Variants in SSBP2 observed in about 807,000 individuals in gnomAD.
The protein encoded by SSBP2 is single-stranded DNA-binding protein 2.
A neutral mutation model predicts 61.8 loss-of-function variants in SSBP2; 17 were observed. That is an observed-to-expected ratio of 0.28 (90% CI 0.19 to 0.41). The LOEUF (loss-of-function observed/expected upper bound fraction) is 0.41. Ranked by LOEUF, SSBP2 falls within the 10% of genes least tolerant of loss-of-function variation. SSBP2 has a pLI of 1.00. For missense variants in SSBP2, 310 were observed against 458.7 expected (o/e 0.68, Z 2.96); for synonymous variants, 139 against 141.3 (o/e 0.98, Z 0.12).
intron 8 of SSBP2, among the ~76,000 whole-genome samples, chr5:81,471,600 A>C: frequency 6.6e-6 from 1 of 152,028 alleles, no homozygotes; most frequent in East Asian, 1.9e-4. Flanking sequence ...TCTTATTATT[A>C]ATAGCTTAAT....
intron 3 of SSBP2, among the ~76,000 whole-genome samples, chr5:81,630,949 C>CA (rs1747646611): frequency 6.6e-6 from 1 of 152,146 alleles, no homozygotes; most frequent in Non-Finnish European, 1.5e-5. Context: ...TGATCCAAGT[C>CA]AGACTCCTAA....
intron 6 of SSBP2, among the ~76,000 whole-genome samples, chr5:81,477,641 GGCAATGCAGAGAAGGTAAGGGCTTTTCAT>G (rs1411878049): frequency 3.6e-5 from 5 of 137,738 alleles, no homozygotes; most frequent in Non-Finnish European, 7.6e-5. Flanking sequence ...GCCATGTCCT[GGCAATGCAGAGAAGGTAAGGGCTTTTCAT>G]GTGTTTTTAT....
intron 1 of SSBP2, among the ~76,000 whole-genome samples, chr5:81,747,699 C>T (rs1490290289): frequency 6.6e-6 from 1 of 152,064 alleles, no homozygotes; most frequent in Non-Finnish European, 1.5e-5. Flanking sequence ...TATTAGAAGG[C>T]ACCTTAATGT....
chr5:81,671,352 G>A (rs1291701266), intron 1 of SSBP2, among the ~76,000 whole-genome samples: 2 of 151,956 alleles, frequency 1.3e-5, no homozygotes, highest in Non-Finnish European at 2.9e-5. Context: ...AACAACATTT[G>A]CTCTTTGAGG....
chr5:81,434,272 T>A (rs1447541460), intron 15 of SSBP2, among the ~76,000 whole-genome samples: 1 of 152,154 alleles, frequency 6.6e-6, no homozygotes, highest in Non-Finnish European at 1.5e-5. Flanking sequence ...AATTTTTTTT[T>A]TAAAAATATG....
At chr5:81,496,036 C>T (rs1767251146) in intron 5 of SSBP2, among the ~76,000 whole-genome samples, 1 of 152,088 alleles carries the variant, frequency 6.6e-6, no homozygotes, top group Non-Finnish European at 1.5e-5. Flanking sequence ...GGACAGTTTA[C>T]ATGTCAGAAA....
At chr5:81,519,960 TAATTA>T (rs1323163657) in intron 4 of SSBP2, among the ~76,000 whole-genome samples, 2 of 152,068 alleles carry the variant, frequency 1.3e-5, no homozygotes, top group Non-Finnish European at 2.9e-5. Context: ...TCAAACATCT[TAATTA>T]AATTAGTAGC....
intron 1 of SSBP2, among the ~76,000 whole-genome samples, chr5:81,706,297 T>C (rs1754389767): frequency 6.6e-6 from 1 of 151,970 alleles, no homozygotes; most frequent in Non-Finnish European, 1.5e-5. Flanking sequence ...CTCACAGTCA[T>C]AAAGATAGCA....
Position 81,415,550 on chromosome 5 carries a change from G to A in SSBP2, c.*4954C>T, listed in dbSNP as rs1396318615. On this transcript the variant is annotated 3_prime_UTR_variant, in exon 17 of 17. Transcript: ENST00000320672. ...TTTCCAATATTTTTTATCAGGAGTT[G>A]ATTGAATCAGGGATGTGGAACCTGT... The A allele has an allele frequency of 6.6e-6, 1 of 151,848 alleles. No homozygotes were observed. The allele number at this position is 151,848 out of a possible 1,614,324, so 9.4% of individuals were successfully genotyped here. A position where few individuals can be genotyped will look rare whatever the true frequency, so the allele number is the denominator to read the frequency against.
chr5:81,644,955 A>G (rs1423227351), intron 2 of SSBP2, among the ~76,000 whole-genome samples: 1 of 152,208 alleles, frequency 6.6e-6, no homozygotes, highest in East Asian at 1.9e-4. Context: ...CATCAGGCAC[A>G]TATTTATGCC....
At chr5:81,429,890 A>G (rs1762181613) in intron 15 of SSBP2, among the ~76,000 whole-genome samples, 1 of 152,180 alleles carries the variant, frequency 6.6e-6, no homozygotes, top group Non-Finnish European at 1.5e-5. Flanking sequence ...GGATCTGAGA[A>G]CAAGGATCCT....
At chr5:81,696,192 A>AC (rs991034475) in intron 1 of SSBP2, among the ~76,000 whole-genome samples, 1 of 151,798 alleles carries the variant, frequency 6.6e-6, no homozygotes, top group African/African-American at 2.4e-5. Context: ...TCCTGACTCC[A>AC]CCCCAATACT....
chr5:81,585,775 C>T (rs999448665), intron 4 of SSBP2, among the ~76,000 whole-genome samples: 1 of 152,100 alleles, frequency 6.6e-6, no homozygotes, highest in African/African-American at 2.4e-5. Flanking sequence ...TCCTGTTTAA[C>T]TGAAAATTTA....
chr5:81,680,559 A>T (rs948275085), intron 1 of SSBP2, among the ~76,000 whole-genome samples: 1 of 152,018 alleles, frequency 6.6e-6, no homozygotes, highest in South Asian at 2.1e-4. Context: ...TTTAAAAGTA[A>T]ATGGATGGAG....
At chr5:81,658,204 A>T (rs1164147979) in intron 1 of SSBP2, among the ~76,000 whole-genome samples, 1 of 152,152 alleles carries the variant, frequency 6.6e-6, no homozygotes, top group African/African-American at 2.4e-5. Context: ...ATTTTAGACA[A>T]ACATCTCCAA....
intron 4 of SSBP2, among the ~76,000 whole-genome samples, chr5:81,611,234 C>A (rs1561602809): frequency 1.3e-5 from 2 of 152,102 alleles, no homozygotes; most frequent in African/African-American, 2.4e-5. Context: ...CATAATAATT[C>A]AAATCTATAG....
At chr5:81,518,030 C>A (rs888530077) in intron 4 of SSBP2, among the ~76,000 whole-genome samples, 4 of 152,032 alleles carry the variant, frequency 2.6e-5, no homozygotes, top group Non-Finnish European at 4.4e-5. Context: ...ATTCTACACA[C>A]TGAATAACAA....
At chr5:81,432,982 T>TGGGG (rs71000832) in intron 15 of SSBP2, among the ~76,000 whole-genome samples, 1 of 116,136 alleles carries the variant, frequency 8.6e-6, no homozygotes, top group Non-Finnish European at 1.8e-5. Flanking sequence ...GGGAGGGAGG[T>TGGGG]GGGGGGGGTC....
At chr5:81,634,708 G>C (rs1473141847) in intron 3 of SSBP2, among the ~76,000 whole-genome samples, 3 of 152,098 alleles carry the variant, frequency 2.0e-5, no homozygotes, top group Non-Finnish European at 2.9e-5. Context: ...CCAACATAAT[G>C]AATTTCTTTC....
Sources: allele counts gnomAD v4.1 joint callset (sites outside exome capture counted in the v4.1 genomes callset), GRCh38; gene constraint gnomAD v4.1.1; transcripts MANE v1.5; gene names NCBI Gene and HGNC (gene_info 2026-07-23, HGNC 2026-07-21).